The following DLGAP1 variants were observed in gnomAD, a reference collection of about 807,000 sequenced individuals.
The protein encoded by DLGAP1 is disks large-associated protein 1.
DLGAP1 carries 11 observed loss-of-function variants against 90.8 expected under a neutral mutation model. The ratio of observed to expected loss-of-function variants is 0.12; its 90% confidence interval spans 0.08 to 0.20. The LOEUF (loss-of-function observed/expected upper bound fraction) is 0.20, where lower values mean the gene tolerates loss of function less well. DLGAP1 is among the 10% of genes least tolerant of loss of function. The pLI is 1.00. For synonymous variants in DLGAP1, 558 were observed against 540.7 expected (o/e 1.03, Z -0.44); for missense variants, 1,050 against 1,333.8 (o/e 0.79, Z 3.31).
chr18:3,844,040 A>G (rs534635743), intron 4 of DLGAP1, among the ~76,000 whole-genome samples: 1 of 152,336 alleles, frequency 6.6e-6, no homozygotes, highest in African/African-American at 2.4e-5. Flanking sequence ...TTCTTTATCT[A>G]TAAAAGTCTG....
chr18:4,089,856 T>A (rs537527957), intron 2 of DLGAP1, among the ~76,000 whole-genome samples: 26 of 152,226 alleles, frequency 1.7e-4, no homozygotes, highest in African/African-American at 5.8e-4. Context: ...CCATCCTGGC[T>A]AACACGGTGA....
intron 1 of DLGAP1, among the ~76,000 whole-genome samples, chr18:4,260,248 T>C (rs1002326174): frequency 4.6e-5 from 7 of 152,140 alleles, no homozygotes; most frequent in Admixed American, 4.6e-4. Context: ...GGAAATGGGC[T>C]GGGGACTCTG....
chr18:4,109,183 T>C (rs2075925817), intron 2 of DLGAP1, among the ~76,000 whole-genome samples: 3 of 152,248 alleles, frequency 2.0e-5, no homozygotes, highest in Admixed American at 2.0e-4. Flanking sequence ...GGGTGTCCTT[T>C]GGGGAAGTGG....
intron 5 of DLGAP1, among the ~76,000 whole-genome samples, chr18:3,749,096 TCTC>T (rs1397572744): frequency 6.6e-6 from 1 of 151,518 alleles, no homozygotes; most frequent in African/African-American, 2.4e-5. Flanking sequence ...TATTCTGTCT[TCTC>T]CTTCTCCTTC....
chr18:3,874,184 C>A (rs2070921662), intron 4 of DLGAP1: 1 of 1,550,124 alleles, frequency 6.5e-7, no homozygotes, highest in Non-Finnish European at 8.7e-7. Flanking sequence ...TTGAAACTTG[C>A]ACACAAACTG....
At chr18:4,439,199 G>T (rs75534679) in intron 1 of DLGAP1, among the ~76,000 whole-genome samples, 12,012 of 152,188 alleles carry the variant, frequency 0.079, 521 homozygotes, top group Middle Eastern at 0.19. Context: ...TTTCTCACTA[G>T]CCCATGAGTT....
intron 2 of DLGAP1, among the ~76,000 whole-genome samples, chr18:4,019,800 C>T (rs543238660): frequency 3.2e-4 from 48 of 147,902 alleles, no homozygotes; most frequent in Non-Finnish European, 6.2e-4. Context: ...GACACATAGG[C>T]GCGCGCGTGT....
At chr18:4,427,421 C>G (rs1205824517) in intron 1 of DLGAP1, among the ~76,000 whole-genome samples, 1 of 152,180 alleles carries the variant, frequency 6.6e-6, no homozygotes, top group Non-Finnish European at 1.5e-5. Flanking sequence ...ATTAGTAAAA[C>G]AGAAGTTTGG....
rs1345585118 is a variant in DLGAP1, at chr18:3,561,264, AAC to A, written c.2057+6224_2057+6225del. Among the ~76,000 whole-genome samples, 605 of 103,324 alleles carry A rather than the reference AAC, an allele frequency of 5.9e-3. 25 individuals are homozygous for A. The highest frequency in any genetic ancestry group is 0.038 in the African/African-American group (545 of 14,532). The allele number at this position is 103,324 out of a possible 152,430, so 67.8% of individuals were successfully genotyped here. On this transcript the variant is annotated intron_variant, in intron 9 of 12. Transcript: ENST00000315677. ...AACACCGTCTCTACTAAAAAAAAAA[AAC>A]AAAAAAAAAAAAACAAACAAAAAAT...
chr18:3,819,704 G>A (rs977034862), intron 4 of DLGAP1, among the ~76,000 whole-genome samples: 1 of 150,926 alleles, frequency 6.6e-6, no homozygotes, highest in Non-Finnish European at 1.5e-5. Context: ...AGTAACTAGT[G>A]TAGGGTGACA....
At chr18:3,737,854 T>A (rs1384756199) in intron 6 of DLGAP1, among the ~76,000 whole-genome samples, 2 of 150,200 alleles carry the variant, frequency 1.3e-5, no homozygotes, top group Non-Finnish European at 2.9e-5. Flanking sequence ...GCAGACGACA[T>A]GATTGTATAT....
chr18:4,033,349 A>G (rs1039069533), intron 2 of DLGAP1, among the ~76,000 whole-genome samples: 2 of 151,982 alleles, frequency 1.3e-5, no homozygotes, highest in Non-Finnish European at 2.9e-5. Context: ...AATATAAATT[A>G]CTTAAAATTT....
intron 2 of DLGAP1, among the ~76,000 whole-genome samples, chr18:4,071,957 T>C (rs1022136185): frequency 1.3e-5 from 2 of 152,340 alleles, no homozygotes; most frequent in Admixed American, 1.3e-4. Context: ...CTTTCCCCAC[T>C]GAAAAGTACT....
intron 3 of DLGAP1, among the ~76,000 whole-genome samples, chr18:3,884,239 C>T (rs916724859): frequency 7.2e-5 from 11 of 152,308 alleles, no homozygotes; most frequent in South Asian, 2.1e-4. Context: ...ATAAGAAAGT[C>T]TCTCTCTACA....
intron 3 of DLGAP1, among the ~76,000 whole-genome samples, chr18:3,892,936 G>T (rs1329866408): frequency 6.7e-6 from 1 of 148,362 alleles, no homozygotes; most frequent in African/African-American, 2.5e-5. Context: ...TTTTTTATAG[G>T]TTTAGGGGAT....
chr18:3,952,378 A>T (rs2073004667), intron 3 of DLGAP1, among the ~76,000 whole-genome samples: 2 of 152,124 alleles, frequency 1.3e-5, no homozygotes, highest in Non-Finnish European at 2.9e-5. Context: ...TGGGGGGAGG[A>T]TTCCCACTGA....
intron 1 of DLGAP1, among the ~76,000 whole-genome samples, chr18:4,237,401 C>T (rs915825000): frequency 2.6e-5 from 4 of 152,080 alleles, no homozygotes; most frequent in African/African-American, 9.7e-5. Context: ...CTGAAGCCTC[C>T]TTTTGTTAGG....
intron 7 of DLGAP1, among the ~76,000 whole-genome samples, chr18:3,701,702 T>C (rs973367188): frequency 4.6e-5 from 7 of 152,128 alleles, no homozygotes; most frequent in Non-Finnish European, 7.3e-5. Context: ...GTTTGGACTT[T>C]GGGTGATAAA....
chr18:3,732,327 T>C (rs181366293), intron 6 of DLGAP1, among the ~76,000 whole-genome samples: 25 of 152,368 alleles, frequency 1.6e-4, no homozygotes, highest in African/African-American at 6.0e-4. Context: ...TTCTATGTTG[T>C]TAGGAGTTAT....
Sources: allele counts gnomAD v4.1 joint callset (sites outside exome capture counted in the v4.1 genomes callset), GRCh38; gene constraint gnomAD v4.1.1; transcripts MANE v1.5; gene names NCBI Gene and HGNC (gene_info 2026-07-23, HGNC 2026-07-21).